The following ROBO2 variants were observed in gnomAD, a reference collection of about 807,000 sequenced individuals.
The protein encoded by ROBO2 is roundabout guidance receptor 2, also known as roundabout homolog 2.
A neutral mutation model predicts 160.8 loss-of-function variants in ROBO2; 53 were observed. The observed-to-expected ratio is 0.33, with a 90% confidence interval of 0.26 to 0.41. The LOEUF (loss-of-function observed/expected upper bound fraction) is 0.41. ROBO2 is among the 10% of genes least tolerant of loss of function. ROBO2 has a pLI of 1.00. For synonymous variants in ROBO2, 664 were observed against 611.7 expected (o/e 1.09, Z -1.26); for missense variants, 1,577 against 1,722.4 (o/e 0.92, Z 1.49).
At chr3:76,701,395 G>T (rs746379407) in intron 2 of ROBO2, among the ~76,000 whole-genome samples, 2 of 152,110 alleles carry the variant, frequency 1.3e-5, no homozygotes, top group Middle Eastern at 3.4e-3. Flanking sequence ...TGTGTGTTTT[G>T]ACTCCAGGTA....
At chr3:76,540,412 AACTG>A (rs1259069838) in intron 2 of ROBO2, among the ~76,000 whole-genome samples, 1 of 152,244 alleles carries the variant, frequency 6.6e-6, no homozygotes, top group African/African-American at 2.4e-5. Flanking sequence ...GGTATGGTCT[AACTG>A]ACTGACACTA....
At chr3:76,200,969 G>A (rs1249528571) in intron 2 of ROBO2, among the ~76,000 whole-genome samples, 2 of 152,116 alleles carry the variant, frequency 1.3e-5, no homozygotes, top group African/African-American at 4.8e-5. Flanking sequence ...GGTTTGTGGA[G>A]CATGAAATCA....
intron 2 of ROBO2, among the ~76,000 whole-genome samples, chr3:77,361,284 G>GT: frequency 6.6e-6 from 1 of 151,902 alleles, no homozygotes; most frequent in East Asian, 1.9e-4. Flanking sequence ...TTTTCACATA[G>GT]TAAGTACCTA....
chr3:76,786,654 T>C (rs1316889712), intron 2 of ROBO2, among the ~76,000 whole-genome samples: 4 of 151,248 alleles, frequency 2.6e-5, no homozygotes, highest in South Asian at 2.1e-4. Flanking sequence ...AGATTTTGGT[T>C]GGGACACAGA....
intron 2 of ROBO2, among the ~76,000 whole-genome samples, chr3:77,003,902 C>G (rs1036181942): frequency 1.3e-5 from 2 of 152,018 alleles, no homozygotes; most frequent in African/African-American, 4.8e-5. Flanking sequence ...TTGTGAGATG[C>G]ATGTTTTCTC....
At chr3:76,864,557 G>A (rs1181823238) in intron 2 of ROBO2, among the ~76,000 whole-genome samples, 1 of 151,920 alleles carries the variant, frequency 6.6e-6, no homozygotes, top group Non-Finnish European at 1.5e-5. Flanking sequence ...CTTACTCCCA[G>A]CATGTGCCTT....
intron 2 of ROBO2, among the ~76,000 whole-genome samples, chr3:76,001,915 T>C (rs1160846018): frequency 6.6e-6 from 1 of 152,240 alleles, no homozygotes; most frequent in African/African-American, 2.4e-5. Context: ...GATTGACGGA[T>C]ATTTTCTCTT....
At chr3:76,281,938 A>T (rs1266260196) in intron 2 of ROBO2, among the ~76,000 whole-genome samples, 1 of 152,038 alleles carries the variant, frequency 6.6e-6, no homozygotes, top group African/African-American at 2.4e-5. Flanking sequence ...AATGCCAAGC[A>T]CCTAGAGGGT....
At chr3:76,796,963 G>A (rs2063746576) in intron 2 of ROBO2, among the ~76,000 whole-genome samples, 1 of 152,096 alleles carries the variant, frequency 6.6e-6, no homozygotes. Flanking sequence ...TATCTTCAGA[G>A]CTAAAGAGAG....
intron 2 of ROBO2, among the ~76,000 whole-genome samples, chr3:76,617,642 T>C (rs1272575608): frequency 1.3e-5 from 2 of 152,178 alleles, no homozygotes; most frequent in East Asian, 3.9e-4. Context: ...AGAGTTTTTT[T>C]GGTGTGTTCA....
chr3:77,580,507 C>A (rs959547252), intron 16 of ROBO2, among the ~76,000 whole-genome samples: 3 of 152,020 alleles, frequency 2.0e-5, no homozygotes, highest in Admixed American at 6.6e-5. Flanking sequence ...CAAAAATTAA[C>A]AAGAAACAGG....
chr3:77,286,034 C>T (rs2060568716), intron 2 of ROBO2, among the ~76,000 whole-genome samples: 1 of 152,024 alleles, frequency 6.6e-6, no homozygotes, highest in Non-Finnish European at 1.5e-5. Context: ...AGAGGTAACA[C>T]ATGTTGCTGT....
intron 2 of ROBO2, among the ~76,000 whole-genome samples, chr3:76,325,130 G>A (rs1413083022): frequency 1.3e-5 from 2 of 152,154 alleles, no homozygotes; most frequent in East Asian, 3.8e-4. Flanking sequence ...AAACAAAACA[G>A]ATCAGACTCA....
chr3:76,304,112 C>G (rs1156599507), intron 2 of ROBO2, among the ~76,000 whole-genome samples: 2 of 152,092 alleles, frequency 1.3e-5, no homozygotes, highest in Non-Finnish European at 2.9e-5. Flanking sequence ...ATGCATTTGA[C>G]CTGGTACTTA....
chr3:76,055,203 A>G (rs141536083), intron 2 of ROBO2, among the ~76,000 whole-genome samples: 3 of 152,146 alleles, frequency 2.0e-5, no homozygotes, highest in Admixed American at 6.5e-5. Context: ...AACCGCCTCC[A>G]TGATTCAATA....
At chr3:77,215,173 G>T (rs1304689284) in intron 2 of ROBO2, among the ~76,000 whole-genome samples, 1 of 152,204 alleles carries the variant, frequency 6.6e-6, no homozygotes, top group African/African-American at 2.4e-5. Context: ...CCTGCAGAGT[G>T]TTTTCCAACT....
At chr3:76,908,211 G>A (rs1188117400) in intron 2 of ROBO2, among the ~76,000 whole-genome samples, 2 of 150,712 alleles carry the variant, frequency 1.3e-5, no homozygotes, top group Non-Finnish European at 1.5e-5. Context: ...TCCAAATTAA[G>A]AAAAAAAAAC....
chr3:76,428,857 C>T (rs755823377), intron 2 of ROBO2, among the ~76,000 whole-genome samples: 8 of 152,078 alleles, frequency 5.3e-5, no homozygotes, highest in South Asian at 2.1e-4. Flanking sequence ...TCTGAGCTGC[C>T]GACAGTCATC....
chr3:76,526,819 G>A (rs1425643295), intron 2 of ROBO2, among the ~76,000 whole-genome samples: 1 of 152,074 alleles, frequency 6.6e-6, no homozygotes, highest in Non-Finnish European at 1.5e-5. Flanking sequence ...GAAAGATGAT[G>A]TTATGAATGT....
Sources: allele counts gnomAD v4.1 joint callset (sites outside exome capture counted in the v4.1 genomes callset), GRCh38; gene constraint gnomAD v4.1.1; transcripts MANE v1.5; gene names NCBI Gene and HGNC (gene_info 2026-07-23, HGNC 2026-07-21).